Variants in FARP1 observed in about 807,000 individuals in gnomAD.
FARP1 encodes FERM, ARHGEF and pleckstrin domain-containing protein 1.
A neutral mutation model predicts 128.8 loss-of-function variants in FARP1; 52 were observed. That is an observed-to-expected ratio of 0.40 (90% CI 0.32 to 0.51). The LOEUF (loss-of-function observed/expected upper bound fraction) is 0.51. Among genes scored for constraint, FARP1 ranks in the 20% least tolerant of loss-of-function variants. The pLI is 0.45. For synonymous variants in FARP1, 580 were observed against 551.8 expected, an observed-to-expected ratio of 1.05 and a Z score of -0.72; for missense variants, 1,333 against 1,367.9, an observed-to-expected ratio of 0.97 and a Z score of 0.40.
intron 1 of FARP1, among the ~76,000 whole-genome samples, chr13:98,149,100 C>G (rs1197614039): frequency 6.6e-6 from 1 of 152,040 alleles, no homozygotes; most frequent in Admixed American, 6.6e-5. Flanking sequence ...GTTGCCCAGG[C>G]TAGTCTTGAA....
intron 2 of FARP1, among the ~76,000 whole-genome samples, chr13:98,229,646 C>T (rs1566769618): frequency 6.6e-6 from 1 of 151,512 alleles, no homozygotes; most frequent in Non-Finnish European, 1.5e-5. Context: ...GACCACTCTC[C>T]ACCAGCGAAT....
At position 98,451,796 on chromosome 13, in the gene FARP1, CAG is replaced by C. The variant is rs1893207064; in HGVS notation, c.*3483_*3484del. The C allele has an allele frequency of 6.6e-6, 1 of 152,324 alleles. No individual in the cohort carries two copies. Among genetic ancestry groups the C allele is most frequent in the South Asian group, 2.1e-4 (1 of 4,836 alleles). 9.4% of individuals were successfully genotyped at this position (152,324 alleles called of 1,614,324 possible). A position where few individuals can be genotyped will look rare whatever the true frequency, so the allele number is the denominator to read the frequency against. On this transcript the variant is annotated 3_prime_UTR_variant, in exon 27 of 27. Transcript: ENST00000319562. ...CACGAACCCTCCCACTCCAGAAACCCAGAGATTTTCCCCCTCGCCAAGCAAGG... is the reference window on the plus strand; with the variant it reads ...CACGAACCCTCCCACTCCAGAAACCCAGATTTTCCCCCTCGCCAAGCAAGG...
intron 3 of FARP1, among the ~76,000 whole-genome samples, chr13:98,350,562 A>G (rs1415281637): frequency 6.6e-6 from 1 of 152,122 alleles, no homozygotes; most frequent in African/African-American, 2.4e-5. Flanking sequence ...GGGTTTTGAC[A>G]CATGTTTCTG....
chr13:98,248,398 G>C (rs562688931), intron 2 of FARP1, among the ~76,000 whole-genome samples: 1 of 152,178 alleles, frequency 6.6e-6, no homozygotes, highest in Non-Finnish European at 1.5e-5. Flanking sequence ...GCTTCCCCAA[G>C]GTATTTTCCT....
intron 16 of FARP1, among the ~76,000 whole-genome samples, chr13:98,419,649 A>G (rs1355512718): frequency 6.6e-6 from 1 of 152,106 alleles, no homozygotes; most frequent in Non-Finnish European, 1.5e-5. Flanking sequence ...ACACACAAAC[A>G]TACATAATTT....
At chr13:98,361,176 C>T (rs1206814311) in intron 3 of FARP1, among the ~76,000 whole-genome samples, 1 of 152,196 alleles carries the variant, frequency 6.6e-6, no homozygotes, top group East Asian at 1.9e-4. Context: ...CAGACCTTCT[C>T]CCTCAGCTCT....
intron 2 of FARP1, among the ~76,000 whole-genome samples, chr13:98,214,027 G>A (rs1880909148): frequency 6.6e-6 from 1 of 152,182 alleles, no homozygotes; most frequent in Non-Finnish European, 1.5e-5. Flanking sequence ...CCACCGCAGG[G>A]CCCTGGACAG....
rs146806517 is a variant in FARP1, at chr13:98,145,162, G to C, written c.-24+1670G>C. Among the ~76,000 whole-genome samples, 34 of 152,306 alleles carry C rather than the reference G, an allele frequency of 2.2e-4. No individual in the cohort carries two copies. In the East Asian group the frequency reaches 6.6e-3, roughly 29 times the overall value. On this transcript the variant is annotated intron_variant, in intron 1 of 26. Transcript: ENST00000319562. ...AGTGAGTAGATGCCTTCCTAGCCCA[G>C]CGCCTCCCAGAATCTCTTACTTGTT...
chr13:98,320,481 G>A (rs1251695098), intron 2 of FARP1, among the ~76,000 whole-genome samples: 2 of 152,162 alleles, frequency 1.3e-5, no homozygotes, highest in African/African-American at 4.8e-5. Flanking sequence ...ACCAAGAACA[G>A]GTACTCACTT....
intron 3 of FARP1, among the ~76,000 whole-genome samples, chr13:98,350,584 A>G (rs1888375545): frequency 6.6e-6 from 1 of 152,100 alleles, no homozygotes. Context: ...ACTTGCATCT[A>G]CCACAACAGT....
chr13:98,324,179 C>CTTGATTTTCT (rs1255954222), intron 2 of FARP1, among the ~76,000 whole-genome samples: 2 of 152,098 alleles, frequency 1.3e-5, no homozygotes, highest in Non-Finnish European at 2.9e-5. Context: ...TCAGGTGGCT[C>CTTGATTTTCT]TTGATTTTCT....
chr13:98,356,318 C>T (rs1195234135), intron 3 of FARP1, among the ~76,000 whole-genome samples: 3 of 152,098 alleles, frequency 2.0e-5, no homozygotes, highest in Admixed American at 6.5e-5. Flanking sequence ...GGTGTAAGTA[C>T]GGTTGTCTCT....
chr13:98,429,492 C>G (rs2139040544), intron 17 of FARP1, among the ~76,000 whole-genome samples: 1 of 152,256 alleles, frequency 6.6e-6, no homozygotes, highest in Non-Finnish European at 1.5e-5. Context: ...AGAACAGTGA[C>G]CATGGGAAAG....
At chr13:98,180,148 G>A (rs1370308727) in intron 1 of FARP1, among the ~76,000 whole-genome samples, 4 of 152,128 alleles carry the variant, frequency 2.6e-5, no homozygotes, top group African/African-American at 9.7e-5. Flanking sequence ...TAATTGACTT[G>A]TAATTCTGTA....
At chr13:98,277,137 C>CAA (rs1566824174) in intron 2 of FARP1, among the ~76,000 whole-genome samples, 1 of 149,506 alleles carries the variant, frequency 6.7e-6, no homozygotes, top group African/African-American at 2.5e-5. Flanking sequence ...CACACACACA[C>CAA]ACACACACAC....
At chr13:98,408,710 A>T (rs897594368) in intron 13 of FARP1, among the ~76,000 whole-genome samples, 1 of 152,222 alleles carries the variant, frequency 6.6e-6, no homozygotes, top group African/African-American at 2.4e-5. Context: ...AAATTGTGAT[A>T]ATATAATGAC....
chr13:98,362,509 C>T (rs1888913168), intron 3 of FARP1, among the ~76,000 whole-genome samples: 1 of 152,162 alleles, frequency 6.6e-6, no homozygotes, highest in Non-Finnish European at 1.5e-5. Flanking sequence ...TGACACAGTT[C>T]TCTCCTTCCT....
intron 13 of FARP1, chr13:98,399,442 C>T (rs1467157508): frequency 1.3e-5 from 2 of 152,246 alleles, no homozygotes; most frequent in African/African-American, 2.4e-5. Flanking sequence ...GGTCTTTACC[C>T]AGCCTGCAGA....
chr13:98,382,202 A>G (rs683222), intron 6 of FARP1: 128,474 of 152,186 alleles, frequency 0.84, 55,186 homozygotes, highest in Middle Eastern at 0.95. Context: ...CCCCAGCCTG[A>G]GTGACAGAGC....
Sources: gnomAD v4.1 joint callset for allele counts (sites outside exome capture counted in the v4.1 genomes callset) on GRCh38, gnomAD v4.1.1 for gene constraint, MANE v1.5 for transcripts, NCBI Gene and HGNC (gene_info 2026-07-23, HGNC 2026-07-21) for gene names.